The following STPG2 variants were observed in gnomAD, a reference collection of about 807,000 sequenced individuals.
STPG2 encodes the protein sperm tail PG-rich repeat containing 2, also known as sperm-tail PG-rich repeat-containing protein 2.
STPG2 carries 56 observed loss-of-function variants against 54.2 expected under a neutral mutation model. The ratio of observed to expected loss-of-function variants is 1.03; its 90% confidence interval spans 0.83 to 1.29. The LOEUF is 1.29. STPG2 is among the 50% of genes most tolerant of loss of function. STPG2 has a pLI of 0.00. For synonymous variants in STPG2, 200 were observed against 181.8 expected (o/e 1.10, Z -0.81); for missense variants, 596 against 544.9 (o/e 1.09, Z -0.93).
At chr4:98,020,508 G>T (rs574815519) in intron 5 of STPG2, among the ~76,000 whole-genome samples, 1 of 151,968 alleles carries the variant, frequency 6.6e-6, no homozygotes, top group South Asian at 2.1e-4. Context: ...GCCCGGCTTT[G>T]GTATCAGGAT....
intron 9 of STPG2, among the ~76,000 whole-genome samples, chr4:97,806,608 G>A (rs1727575532): frequency 6.6e-6 from 1 of 151,976 alleles, no homozygotes; most frequent in African/African-American, 2.4e-5. Context: ...GGGAAATTAT[G>A]CCTCCTTTCA....
chr4:98,017,833 AT>A (rs1472679923), intron 5 of STPG2, among the ~76,000 whole-genome samples: 19 of 152,066 alleles, frequency 1.2e-4, no homozygotes, highest in Non-Finnish European at 2.5e-4. Flanking sequence ...TTCTCATGAT[AT>A]CTGATGGTTT....
intron 9 of STPG2, among the ~76,000 whole-genome samples, chr4:97,736,626 T>C (rs867117358): frequency 6.6e-6 from 1 of 152,012 alleles, no homozygotes; most frequent in Non-Finnish European, 1.5e-5. Context: ...CAGCCTGAGA[T>C]CAAACTGCAA....
intron 9 of STPG2, among the ~76,000 whole-genome samples, chr4:97,727,189 T>C (rs1306500946): frequency 1.3e-5 from 2 of 151,892 alleles, no homozygotes; most frequent in Non-Finnish European, 3.0e-5. Flanking sequence ...TGTAAATAAG[T>C]ATATTAGGCA....
intron 9 of STPG2, among the ~76,000 whole-genome samples, chr4:97,797,312 T>C (rs1727226470): frequency 6.6e-6 from 1 of 152,226 alleles, no homozygotes; most frequent in African/African-American, 2.4e-5. Context: ...CAGTATGATA[T>C]TGGCTGTGGG....
intron 9 of STPG2, among the ~76,000 whole-genome samples, chr4:97,759,134 A>ACTTATG (rs1310617977): frequency 1.1e-4 from 17 of 152,146 alleles, no homozygotes; most frequent in Non-Finnish European, 1.3e-4. Flanking sequence ...AGTTTTATAG[A>ACTTATG]GGCAGGCAAA....
At chr4:97,467,349 A>G (rs1729811860) in intron 4 of STPG2, among the ~76,000 whole-genome samples, 2 of 151,900 alleles carry the variant, frequency 1.3e-5, no homozygotes, top group African/African-American at 4.8e-5. Context: ...ATTCTTAATC[A>G]TATATTACCA....
chr4:97,678,672 T>C (rs895551758), intron 10 of STPG2, among the ~76,000 whole-genome samples: 1 of 151,954 alleles, frequency 6.6e-6, no homozygotes, highest in Admixed American at 6.6e-5. Context: ...ATGTGCACAA[T>C]GTGCAGGTTA....
At chr4:98,120,613 T>C (rs1463568398) in intron 3 of STPG2, among the ~76,000 whole-genome samples, 1 of 152,196 alleles carries the variant, frequency 6.6e-6, no homozygotes, top group African/African-American at 2.4e-5. Context: ...TTCTGACTGG[T>C]GTGAGATGGT....
At chr4:97,577,360 A>G (rs1732749003) in intron 10 of STPG2, among the ~76,000 whole-genome samples, 1 of 152,214 alleles carries the variant, frequency 6.6e-6, no homozygotes, top group Admixed American at 6.5e-5. Flanking sequence ...TACGTGGAGG[A>G]CTGGACAAAT....
intron 4 of STPG2, among the ~76,000 whole-genome samples, chr4:97,528,108 C>T (rs1388067324): frequency 1.3e-5 from 2 of 152,124 alleles, no homozygotes; most frequent in South Asian, 4.1e-4. Flanking sequence ...CCTACATTTT[C>T]TTCTAGGGAT....
downstream of STPG2, among the ~76,000 whole-genome samples, chr4:97,556,400 A>C (rs1390523958): frequency 6.6e-6 from 1 of 152,200 alleles, no homozygotes. Context: ...ACTTATAAGA[A>C]AATGTGTTAA....
At chr4:97,778,447 G>C (rs371275928) in intron 9 of STPG2, among the ~76,000 whole-genome samples, 1 of 152,162 alleles carries the variant, frequency 6.6e-6, no homozygotes, top group South Asian at 2.1e-4. Flanking sequence ...GCTTGTACTG[G>C]GTGGAGCCCA....
intron 4 of STPG2, among the ~76,000 whole-genome samples, chr4:97,446,114 T>C (rs140155242): frequency 1.1e-3 from 164 of 152,304 alleles, no homozygotes; most frequent in South Asian, 2.3e-3. Context: ...GTCTACATGC[T>C]AAAATAAGAT....
intron 9 of STPG2, among the ~76,000 whole-genome samples, chr4:97,738,886 C>T (rs1304698195): frequency 1.6e-4 from 24 of 152,124 alleles, no homozygotes; most frequent in Non-Finnish European, 2.9e-4. Flanking sequence ...CAGAACTCTC[C>T]ACCCCAAATC....
At position 98,143,134 on chromosome 4, in the gene STPG2, G is replaced by A; in HGVS notation, c.17C>T (p.Pro6Leu). The change falls in exon 1 of 11, where the codon CCC becomes CTC. Residue 6 changes from proline to leucine, a missense_variant. Physicochemically the swap from Pro to Leu is moderately conservative, Grantham distance 98. Coordinates refer to ENST00000295268, the MANE Select transcript of STPG2 (RefSeq NM_174952.3). The part of the protein sequence containing the change: MYDRA[P>L]RLLKLAEGGS... ...ACCTTCAGCCAATTTGAGCAGGCGG[G>A]GAGCCCGATCATACATAGTGCTCGG... 1 of 1,613,704 alleles carries A rather than the reference G, an allele frequency of 6.2e-7. No individual in the cohort carries two copies. Among genetic ancestry groups the A allele is most frequent in the Non-Finnish European group, 8.5e-7 (1 of 1,179,806 alleles).
At chr4:97,945,710 A>T (rs759282439) in intron 7 of STPG2, among the ~76,000 whole-genome samples, 1 of 150,764 alleles carries the variant, frequency 6.6e-6, no homozygotes, top group Non-Finnish European at 1.5e-5. Flanking sequence ...CAAGACCCCA[A>T]CATCTATTGT....
chr4:97,643,759 A>G (rs1182867485), intron 10 of STPG2, among the ~76,000 whole-genome samples: 1 of 151,936 alleles, frequency 6.6e-6, no homozygotes, highest in African/African-American at 2.4e-5. Flanking sequence ...TCATTTCCAA[A>G]AGGGACTTTA....
chr4:97,674,020 T>C (rs569719202), intron 10 of STPG2, among the ~76,000 whole-genome samples: 3 of 152,196 alleles, frequency 2.0e-5, no homozygotes, highest in Non-Finnish European at 4.4e-5. Context: ...ATGCATATTA[T>C]AATGTATCCT....
Sources: gnomAD v4.1 joint callset for allele counts (sites outside exome capture counted in the v4.1 genomes callset) on GRCh38, gnomAD v4.1.1 for gene constraint, MANE v1.5 for transcripts, NCBI Gene and HGNC (gene_info 2026-07-23, HGNC 2026-07-21) for gene names.